CRTC1: variants seen among roughly 807,000 people sequenced by gnomAD.
CRTC1 encodes CREB regulated transcription coactivator 1.
In CRTC1, 18 loss-of-function variants were observed where a neutral mutation model predicts 66.1. That is an observed-to-expected ratio of 0.27 (90% CI 0.19 to 0.40). The LOEUF (loss-of-function observed/expected upper bound fraction) is 0.40. Among genes scored for constraint, CRTC1 ranks in the 10% least tolerant of loss-of-function variants. The probability of loss-of-function intolerance (pLI) is 1.00; values close to 1 mark genes in which losing one functional copy is unlikely to be tolerated. For synonymous variants in CRTC1, 416 were observed against 398.8 expected, an observed-to-expected ratio of 1.04 and a Z score of -0.51; for missense variants, 669 against 887.9, an observed-to-expected ratio of 0.75 and a Z score of 3.13.
At chr19:18,774,740 A>T (rs149393524) in intron 11 of CRTC1, among the ~76,000 whole-genome samples, 160 bp from the exon 12 acceptor site, 3 of 152,196 alleles carry the variant, frequency 2.0e-5, no homozygotes, top group African/African-American at 7.2e-5. Context: ...GTCATCCAGG[A>T]TTGGGGGGCA....
intron 2 of CRTC1, 148 bp from the exon 3 acceptor site, chr19:18,745,675 A>C: frequency 9.9e-7 from 1 of 1,010,340 alleles, no homozygotes; most frequent in Non-Finnish European, 1.5e-6. Context: ...GGCTGAAGGA[A>C]GAAGCCCATC....
At position 18,709,766 on chromosome 19, in the gene CRTC1, T is replaced by G. The variant is rs563720118; in HGVS notation, c.126+25938T>G. 3.2e-4 allele frequency among the ~76,000 whole-genome samples: 48 copies of G among 152,224 alleles called. 1 individual carries two copies. Among genetic ancestry groups the G allele is most frequent in the South Asian group, 6.2e-4 (3 of 4,826 alleles). On this transcript the variant is annotated intron_variant, in intron 1 of 13. Coordinates refer to ENST00000321949, the MANE Select transcript of CRTC1 (RefSeq NM_015321.3). ...GCAGCCAGGATCAGGAGCCCTAAAGTTAGGACCTGAGGGCTCCGAGGGCTG... is the reference window on the plus strand; with the variant it reads ...GCAGCCAGGATCAGGAGCCCTAAAGGTAGGACCTGAGGGCTCCGAGGGCTG...
At chr19:18,755,806 T>C (rs1448579449) in intron 6 of CRTC1, among the ~76,000 whole-genome samples, 1 of 151,744 alleles carries the variant, frequency 6.6e-6, no homozygotes, top group Non-Finnish European at 1.5e-5. Flanking sequence ...GCTTACTTCG[T>C]TGCCCAGGCT....
At chr19:18,691,077 C>G (rs2052821884) in intron 1 of CRTC1, among the ~76,000 whole-genome samples, 1 of 150,440 alleles carries the variant, frequency 6.6e-6, no homozygotes, top group African/African-American at 2.4e-5. Flanking sequence ...CGATGCATGC[C>G]TTTAATCCCA....
intron 8 of CRTC1, among the ~76,000 whole-genome samples, chr19:18,762,183 G>A (rs965513085): frequency 6.6e-6 from 1 of 152,136 alleles, no homozygotes; most frequent in South Asian, 2.1e-4. Flanking sequence ...CCCCCTTCCC[G>A]CTGGAGGGTC....
intron 13 of CRTC1, among the ~76,000 whole-genome samples, chr19:18,776,086 C>T (rs1264750858): frequency 2.0e-5 from 3 of 152,234 alleles, no homozygotes; most frequent in Admixed American, 2.0e-4. Flanking sequence ...TCTCGGCGGC[C>T]TCCTGTCTGG....
intron 1 of CRTC1, among the ~76,000 whole-genome samples, chr19:18,711,854 C>A (rs2053400057): frequency 6.6e-6 from 1 of 152,190 alleles, no homozygotes; most frequent in Non-Finnish European, 1.5e-5. Context: ...TTGGGCCCCT[C>A]CACCCACCCC....
At chr19:18,715,529 G>A (rs1436851182) in intron 1 of CRTC1, among the ~76,000 whole-genome samples, 1 of 152,180 alleles carries the variant, frequency 6.6e-6, no homozygotes, top group African/African-American at 2.4e-5. Context: ...CAGGGGTCAG[G>A]ACTTGGACAT....
chr19:18,766,145 G>C (rs113747276), intron 9 of CRTC1, among the ~76,000 whole-genome samples: 1 of 146,800 alleles, frequency 6.8e-6, no homozygotes, highest in African/African-American at 2.5e-5. Flanking sequence ...TTTTTAAGAC[G>C]AAGTTTTGCT....
At chr19:18,776,708 T>C (rs549541888) in intron 13 of CRTC1, among the ~76,000 whole-genome samples, 10 of 152,340 alleles carry the variant, frequency 6.6e-5, no homozygotes, top group African/African-American at 2.4e-4. Flanking sequence ...AACCTGAGTG[T>C]AGGTGGAAGC....
intron 1 of CRTC1, among the ~76,000 whole-genome samples, chr19:18,684,133 C>G (rs1159008012): frequency 6.6e-6 from 1 of 151,878 alleles, no homozygotes; most frequent in East Asian, 1.9e-4. Context: ...AGTACCTCGT[C>G]GTTACCTGAC....
chr19:18,765,498 C>T lies in CRTC1; in HGVS notation c.981C>T (p.Pro327=), dbSNP rs2054709878. 6.2e-7 allele frequency: 1 copy of T among 1,609,396 alleles called. No homozygotes were observed. The highest frequency in any genetic ancestry group is 8.5e-7 in the Non-Finnish European group (1 of 1,179,564). ...STEARRQQAS[P]TLSPLSPITQ... is the part of the protein sequence containing the mutation. ...AGGCAAGGCGTCAGCAGGCATCGCC[C>T]ACCCTGTCCCCGCTGTCACCCATCA... The change falls in exon 9 of 14, where the codon CCC becomes CCT. Residue 327 remains proline (P), a synonymous_variant. Transcript: ENST00000321949.
intron 1 of CRTC1, among the ~76,000 whole-genome samples, chr19:18,700,762 G>A (rs1222743825): frequency 2.6e-5 from 4 of 152,126 alleles, no homozygotes; most frequent in South Asian, 2.1e-4. Context: ...CGGGGAGGCC[G>A]AGCGTGTCCG....
chr19:18,753,459 T>C (rs2054415249), intron 5 of CRTC1, 41 bp from the exon 6 acceptor site: 2 of 1,490,904 alleles, frequency 1.3e-6, no homozygotes, highest in Non-Finnish European at 1.9e-6. Context: ...TGCAAAGAAA[T>C]TTCTTCTCTG....
chr19:18,774,648 TGAG>T (rs1349851550), intron 11 of CRTC1, among the ~76,000 whole-genome samples: 8 of 152,000 alleles, frequency 5.3e-5, no homozygotes, highest in Non-Finnish European at 1.2e-4. Flanking sequence ...TACCCAGGCT[TGAG>T]GAGAGGAGAT....
At chr19:18,775,055 A>G (rs955087195) in intron 12 of CRTC1, 69 bp downstream of exon 12, 1 of 1,484,656 alleles carries the variant, frequency 6.7e-7, no homozygotes, top group African/African-American at 1.4e-5. Context: ...CCTCGCTGGG[A>G]CCCGGGCCTT....
intron 13 of CRTC1, among the ~76,000 whole-genome samples, chr19:18,776,943 A>T (rs2055002288): frequency 6.6e-6 from 1 of 152,032 alleles, no homozygotes; most frequent in Admixed American, 6.6e-5. Flanking sequence ...TGACATCTGG[A>T]GCTGACATCT....
At chr19:18,703,636 C>T (rs1334554630) in intron 1 of CRTC1, among the ~76,000 whole-genome samples, 1 of 151,912 alleles carries the variant, frequency 6.6e-6, no homozygotes, top group South Asian at 2.1e-4. Flanking sequence ...CTAATTTTTG[C>T]GTTTTTAGTA....
At chr19:18,688,856 A>G (rs1457382291) in intron 1 of CRTC1, among the ~76,000 whole-genome samples, 1 of 151,788 alleles carries the variant, frequency 6.6e-6, no homozygotes, top group Non-Finnish European at 1.5e-5. Context: ...AACATTTCGT[A>G]CCCCCAGAAA....
Sources: gnomAD v4.1 joint callset for allele counts (sites outside exome capture counted in the v4.1 genomes callset) on GRCh38, gnomAD v4.1.1 for gene constraint, MANE v1.5 for transcripts, NCBI Gene and HGNC (gene_info 2026-07-23, HGNC 2026-07-21) for gene names.